Variants in GRIA3 observed in about 807,000 individuals in gnomAD.
GRIA3 encodes the protein glutamate receptor 3.
In GRIA3, 3 loss-of-function variants were observed where a neutral mutation model predicts 63.0. That is an observed-to-expected ratio of 0.05 (90% CI 0.02 to 0.12). The LOEUF (loss-of-function observed/expected upper bound fraction) is 0.12. Ranked by LOEUF, GRIA3 falls within the 10% of genes least tolerant of loss-of-function variation. GRIA3 has a pLI of 1.00. For synonymous variants in GRIA3, 274 were observed against 257.9 expected, an observed-to-expected ratio of 1.06 and a Z score of -0.60; for missense variants, 347 against 700.9, an observed-to-expected ratio of 0.50 and a Z score of 5.70.
intron 2 of GRIA3, among the ~76,000 whole-genome samples, chrX:123,206,713 C>G (rs1927898526): frequency 9.0e-6 from 1 of 111,027 alleles, no homozygotes; most frequent in Non-Finnish European, 1.9e-5. Context: ...TAACAAAGAC[C>G]TAACAAACAG....
chrX:123,365,183 A>G (rs2045202406), intron 5 of GRIA3, among the ~76,000 whole-genome samples: 1 of 112,046 alleles, frequency 8.9e-6, no homozygotes, highest in Non-Finnish European at 1.9e-5. Context: ...TTCACATTGT[A>G]TATGTATATC....
At position 123,208,633 on chromosome X, in the gene GRIA3, G is replaced by C. The variant is rs762570099; in HGVS notation, c.268+22643G>C. Among the ~76,000 whole-genome samples, 7 of 112,028 alleles carry C rather than the reference G, an allele frequency of 6.2e-5. No homozygotes were observed. In the East Asian group the frequency reaches 2.0e-3, roughly 32 times the overall value. Reference sequence around the variant, plus strand: ...ACTAGATAATTGCTCACCCCTCTGAGTCATCGAATCATAGGCTGATTGAAT... The same window carrying C: ...ACTAGATAATTGCTCACCCCTCTGACTCATCGAATCATAGGCTGATTGAAT... On this transcript the variant is annotated intron_variant, in intron 2 of 15. Coordinates refer to ENST00000620443, the MANE Select transcript of GRIA3 (RefSeq NM_007325.5).
intron 3 of GRIA3, among the ~76,000 whole-genome samples, chrX:123,268,682 T>G (rs1168575028): frequency 9.0e-6 from 1 of 110,964 alleles, no homozygotes; most frequent in Admixed American, 9.6e-5. Flanking sequence ...GGCTGAGGTT[T>G]CAGGTTCTGA....
intron 3 of GRIA3, among the ~76,000 whole-genome samples, chrX:123,318,315 A>G (rs2044846022): frequency 8.9e-6 from 1 of 112,291 alleles, no homozygotes; most frequent in African/African-American, 3.2e-5. Flanking sequence ...CTATTTATGC[A>G]AATTTCTGCA....
At chrX:123,198,407 T>C (rs1256082749) in intron 2 of GRIA3, among the ~76,000 whole-genome samples, 1 of 112,212 alleles carries the variant, frequency 8.9e-6, no homozygotes, top group Non-Finnish European at 1.9e-5. Flanking sequence ...ACGTAAAATA[T>C]TGACCATAAT....
intron 3 of GRIA3, among the ~76,000 whole-genome samples, chrX:123,318,760 CTCTG>C (rs1233226104): frequency 8.9e-6 from 1 of 112,055 alleles, no homozygotes; most frequent in African/African-American, 3.2e-5. Flanking sequence ...CTGTTCCAAC[CTCTG>C]TCTGTTACCC....
intron 3 of GRIA3, among the ~76,000 whole-genome samples, chrX:123,317,973 C>T (rs765442129): frequency 3.2e-4 from 36 of 112,868 alleles, no homozygotes; most frequent in African/African-American, 1.1e-3. Flanking sequence ...CTTCTGAAAT[C>T]CAGGCAGAGG....
At chrX:123,305,488 A>G (rs2044749482) in intron 3 of GRIA3, among the ~76,000 whole-genome samples, 1 of 112,591 alleles carries the variant, frequency 8.9e-6, no homozygotes, top group Non-Finnish European at 1.9e-5. Flanking sequence ...AAAAATAAAC[A>G]TTGAGACTTT....
In GRIA3 at chrX:123,362,651, T is replaced by A. The variant is rs185774841; in HGVS notation, c.750+7688T>A. 6.3e-5 allele frequency among the ~76,000 whole-genome samples: 7 copies of A among 110,347 alleles called. No individual in the cohort carries two copies. The East Asian group carries it at 2.0e-3, about 31-fold the overall frequency. ...GGGTATGATCTGATTTATGCTTTTTTAAAAATCCGTGTCAAATGGATGAGT... is the reference window on the plus strand; with the variant it reads ...GGGTATGATCTGATTTATGCTTTTTAAAAAATCCGTGTCAAATGGATGAGT... On this transcript the variant is annotated intron_variant, in intron 5 of 15. Transcript: ENST00000620443.
At chrX:123,211,351 C>G (rs1928037522) in intron 2 of GRIA3, among the ~76,000 whole-genome samples, 2 of 111,438 alleles carry the variant, frequency 1.8e-5, no homozygotes, top group Admixed American at 1.9e-4. Context: ...TTTCCCTTCT[C>G]CTAATTAAAA....
chrX:123,279,490 G>T (rs2044573266), intron 3 of GRIA3, among the ~76,000 whole-genome samples: 1 of 111,724 alleles, frequency 9.0e-6, no homozygotes, highest in Admixed American at 9.5e-5. Context: ...AATGTTATCT[G>T]TCAATTAAAA....
chrX:123,202,431 G>A (rs895445233), intron 2 of GRIA3, among the ~76,000 whole-genome samples: 2 of 112,546 alleles, frequency 1.8e-5, no homozygotes, highest in Admixed American at 1.9e-4. Context: ...AGTGTGAAGT[G>A]TGTTAATACA....
intron 3 of GRIA3, among the ~76,000 whole-genome samples, chrX:123,297,939 T>C (rs1386396010): frequency 2.7e-5 from 3 of 110,602 alleles, no homozygotes; most frequent in Non-Finnish European, 5.7e-5. Context: ...TGTGTTCTCA[T>C]CATTTAGCTC....
At chrX:123,251,538 C>T (rs776107363) in intron 2 of GRIA3, among the ~76,000 whole-genome samples, 51 of 111,296 alleles carry the variant, frequency 4.6e-4, no homozygotes, top group African/African-American at 1.7e-3. Context: ...CGGGTTCAAG[C>T]GATTCTCCTG....
chrX:123,206,252 C>G (rs1224359094), intron 2 of GRIA3, among the ~76,000 whole-genome samples: 1 of 112,054 alleles, frequency 8.9e-6, no homozygotes, highest in Non-Finnish European at 1.9e-5. Context: ...GTACTTGGAT[C>G]TTTTCAAATT....
intron 12 of GRIA3, among the ~76,000 whole-genome samples, chrX:123,449,337 C>T (rs2045718569): frequency 8.9e-6 from 1 of 112,370 alleles, no homozygotes; most frequent in South Asian, 3.7e-4. Flanking sequence ...GAAATAGCAG[C>T]AAATTAGTAG....
chrX:123,324,022 C>G (rs2044884712), intron 3 of GRIA3, among the ~76,000 whole-genome samples: 1 of 111,776 alleles, frequency 8.9e-6, no homozygotes, highest in Non-Finnish European at 1.9e-5. Context: ...GAGAGAGCAA[C>G]AGTGAGGGAA....
chrX:123,223,131 G>A (rs2044227571), intron 2 of GRIA3, among the ~76,000 whole-genome samples: 1 of 112,744 alleles, frequency 8.9e-6, no homozygotes, highest in Non-Finnish European at 1.9e-5. Flanking sequence ...CACTGATCTG[G>A]AAGGAATCCG....
chrX:123,480,507 T>C (rs768557778), intron 14 of GRIA3, among the ~76,000 whole-genome samples: 1 of 111,642 alleles, frequency 9.0e-6, no homozygotes, highest in African/African-American at 3.3e-5. Context: ...ATAATAACAA[T>C]AACAACAACA....
Sources: gnomAD v4.1 joint callset for allele counts (sites outside exome capture counted in the v4.1 genomes callset) on GRCh38, gnomAD v4.1.1 for gene constraint, MANE v1.5 for transcripts, NCBI Gene and HGNC (gene_info 2026-07-23, HGNC 2026-07-21) for gene names.